Variants in ZFHX3 observed in about 807,000 individuals in gnomAD.
ZFHX3 encodes zinc finger homeobox 3, also known as zinc finger homeobox protein 3.
ZFHX3 carries 42 observed loss-of-function variants against 279.1 expected under a neutral mutation model. The ratio of observed to expected loss-of-function variants is 0.15; its 90% CI spans 0.12 to 0.19. The LOEUF is 0.19. Among genes scored for constraint, ZFHX3 ranks in the 10% least tolerant of loss-of-function variants. The pLI is 1.00. For missense variants in ZFHX3, 4,981 were observed against 4,754.0 expected (o/e 1.05, Z -1.40); for synonymous variants, 2,293 against 1,957.8 (o/e 1.17, Z -4.52).
intron 2 of ZFHX3, among the ~76,000 whole-genome samples, chr16:73,649,075 A>T (rs575212277): frequency 1.3e-5 from 2 of 152,372 alleles, no homozygotes; most frequent in Admixed American, 6.5e-5. Context: ...GGAACAAAAT[A>T]TCACAATAGC....
chr16:73,584,691 T>A (rs1452889128), intron 2 of ZFHX3, among the ~76,000 whole-genome samples: 1 of 152,202 alleles, frequency 6.6e-6, no homozygotes, highest in Non-Finnish European at 1.5e-5. Context: ...AAAGATTTTA[T>A]GATGAAATCG....
chr16:72,819,260 A>C (rs1597273376), intron 5 of ZFHX3, among the ~76,000 whole-genome samples: 1 of 115,642 alleles, frequency 8.6e-6, no homozygotes, highest in African/African-American at 3.4e-5. Flanking sequence ...TACATCTACC[A>C]AGACTTAGGG....
rs549716860 is a variant in ZFHX3, at chr16:73,808,888, C to A, written c.-1608+82763G>T. Among the ~76,000 whole-genome samples the A allele has an allele frequency of 9.2e-5, 14 of 152,216 alleles. No homozygotes were observed. In the East Asian group the frequency reaches 1.9e-3, roughly 21 times the overall value. ...GATAGAAACTGCTGGAAAAAGGAAG[C>A]CAGTCCTGAGGACATCCAGAAGTTT... is the stretch of plus-strand genomic sequence containing the variant. On this transcript the variant is annotated intron_variant, in intron 1 of 17. Coordinates refer to the ZFHX3 transcript ENST00000641206.
intron 1 of ZFHX3, among the ~76,000 whole-genome samples, chr16:73,888,149 G>A (rs1017432799): frequency 6.6e-6 from 1 of 152,116 alleles, no homozygotes; most frequent in Non-Finnish European, 1.5e-5. Context: ...GCCTGGCAAT[G>A]GACAGGTATT....
chr16:73,613,561 G>T (rs1217421677), intron 2 of ZFHX3, among the ~76,000 whole-genome samples: 2 of 151,934 alleles, frequency 1.3e-5, no homozygotes, highest in East Asian at 3.9e-4. Context: ...TGCTCTTTTT[G>T]AAACAAAGGT....
chr16:73,483,185 C>A, intron 2 of ZFHX3: 1 of 341,822 alleles, frequency 2.9e-6, no homozygotes, highest in Non-Finnish European at 5.7e-6. Context: ...GAGGGTGACC[C>A]CGGAGGAAGA....
chr16:73,286,567 G>GGCTGTGTGGGTCTCTGCGTA (rs1419711953), intron 4 of ZFHX3, among the ~76,000 whole-genome samples: 1 of 151,818 alleles, frequency 6.6e-6, no homozygotes, highest in Non-Finnish European at 1.5e-5. Flanking sequence ...GTTGGTGTGT[G>GGCTGTGTGGGTCTCTGCGTA]GCTGTGTGGG....
intron 2 of ZFHX3, among the ~76,000 whole-genome samples, chr16:73,576,868 C>A (rs1261816259): frequency 6.6e-6 from 1 of 152,172 alleles, no homozygotes; most frequent in Non-Finnish European, 1.5e-5. Flanking sequence ...CTGCTCCTCT[C>A]TCTCCTCCCA....
intron 2 of ZFHX3, among the ~76,000 whole-genome samples, chr16:73,587,796 A>C (rs1287109296): frequency 6.6e-6 from 1 of 152,248 alleles, no homozygotes; most frequent in African/African-American, 2.4e-5. Flanking sequence ...CATTCCAAGA[A>C]AAACTATCAA....
At chr16:72,841,095 C>A (rs937350443) in intron 4 of ZFHX3, among the ~76,000 whole-genome samples, 2 of 152,186 alleles carry the variant, frequency 1.3e-5, no homozygotes, top group Non-Finnish European at 2.9e-5. Flanking sequence ...CTGCAAGCAT[C>A]GTGGGGAGCC....
intron 5 of ZFHX3, among the ~76,000 whole-genome samples, chr16:72,826,494 G>A (rs1024835727): frequency 6.6e-5 from 10 of 152,126 alleles, no homozygotes; most frequent in African/African-American, 2.2e-4. Flanking sequence ...TAGAACAAAC[G>A]TAGTTTTAAA....
At chr16:73,084,125 T>C (rs1331554071) in intron 8 of ZFHX3, among the ~76,000 whole-genome samples, 1 of 152,206 alleles carries the variant, frequency 6.6e-6, no homozygotes, top group Non-Finnish European at 1.5e-5. Flanking sequence ...TGGCTCAAAA[T>C]GCCAATAGCA....
chr16:72,960,410 G>A (rs988503753), intron 1 of ZFHX3, among the ~76,000 whole-genome samples: 4 of 152,176 alleles, frequency 2.6e-5, no homozygotes, highest in East Asian at 1.9e-4. Context: ...CAGCCTGAGC[G>A]AGGGATATGG....
At chr16:73,344,457 G>C (rs528614636) in intron 3 of ZFHX3, among the ~76,000 whole-genome samples, 1 of 152,328 alleles carries the variant, frequency 6.6e-6, no homozygotes, top group East Asian at 1.9e-4. Flanking sequence ...AAGGCAATAT[G>C]TGTTTCCGGA....
At chr16:72,818,811 C>T (rs2143649483) in intron 5 of ZFHX3, among the ~76,000 whole-genome samples, 1 of 152,262 alleles carries the variant, frequency 6.6e-6, no homozygotes, top group South Asian at 2.1e-4. Flanking sequence ...CCCGTATATC[C>T]CTAGAAAACA....
intron 2 of ZFHX3, among the ~76,000 whole-genome samples, chr16:73,629,473 T>TGATA (rs2052448355): frequency 6.6e-6 from 1 of 152,064 alleles, no homozygotes. Context: ...ATTTCATTTA[T>TGATA]GATATTGTGG....
chr16:73,863,766 T>C (rs1457729251), intron 1 of ZFHX3, among the ~76,000 whole-genome samples: 1 of 152,198 alleles, frequency 6.6e-6, no homozygotes, highest in Non-Finnish European at 1.5e-5. Context: ...GCGAAGTGTA[T>C]TGTATATCAT....
Position 73,688,296 on chromosome 16 carries a change from G to T in ZFHX3, c.-1607-8056C>A, listed in dbSNP as rs1015593288. 2.0e-5 allele frequency among the ~76,000 whole-genome samples: 3 copies of T among 148,908 alleles called. No individual in the cohort carries two copies. The Admixed American group carries it at 2.1e-4, about 10-fold the overall frequency. On this transcript the variant is annotated intron_variant, in intron 1 of 17. Transcript: ENST00000641206. The stretch of plus-strand genomic sequence containing the variant: ...CACTTGAACCCGGGAGGCAGAGGTT[G>T]CAGTGAGCTGAGATCACACTGCTGC...
intron 4 of ZFHX3, among the ~76,000 whole-genome samples, chr16:73,262,404 G>T (rs562685997): frequency 1.3e-5 from 2 of 152,198 alleles, no homozygotes; most frequent in Non-Finnish European, 2.9e-5. Context: ...GGCTTTTAGA[G>T]TCAGGAAACT....
Sources: allele counts gnomAD v4.1 joint callset (sites outside exome capture counted in the v4.1 genomes callset), GRCh38; gene constraint gnomAD v4.1.1; transcripts MANE v1.5; gene names NCBI Gene and HGNC (gene_info 2026-07-23, HGNC 2026-07-21).